INMT: variants seen among roughly 807,000 people sequenced by gnomAD.
The protein encoded by INMT is amine N-methyltransferase.
In INMT, 11 loss-of-function variants were observed where a neutral mutation model predicts 11.5. That is an observed-to-expected ratio of 0.95 (90% CI 0.60 to 1.58). The LOEUF (loss-of-function observed/expected upper bound fraction) is 1.58, where lower values mean the gene tolerates loss of function less well. Among genes scored for constraint, INMT ranks in the 40% most tolerant of loss-of-function variants. The probability of loss-of-function intolerance (pLI) is 0.00; values close to 1 mark genes in which losing one functional copy is unlikely to be tolerated. For synonymous variants in INMT, 155 were observed against 142.9 expected, an observed-to-expected ratio of 1.08 and a Z score of -0.60; for missense variants, 316 against 336.1, an observed-to-expected ratio of 0.94 and a Z score of 0.47.
rs58315408 is a variant in INMT at position 30,754,636 on chromosome 7, T to TATCCATCC, written c.362+733_362+740dup. Among the ~76,000 whole-genome samples, 91 of 144,628 alleles carry TATCCATCC rather than the reference T, an allele frequency of 6.3e-4. No individual in the cohort carries two copies. The highest frequency in any genetic ancestry group is 1.9e-3 in the South Asian group (8 of 4,270). 94.9% of individuals were successfully genotyped at this position (144,628 alleles called of 152,430 possible). ...ATCCACCCATCCATCCATATCCATC[T>TATCCATCC]ATCCATCCATCCATCCATCCATCCA... On this transcript the variant is annotated intron_variant, in intron 2 of 2. Transcript: ENST00000013222. The surrounding 1 kb of genome is among the most constrained non-coding windows in gnomAD (Gnocchi z 4.9).
Position 30,752,300 on chromosome 7 carries a change from C to T in INMT, c.150C>T (p.Gly50=), listed in dbSNP as rs1344809161. ...FNLECLHKTF[G]PGGLQGDTLI... ...TGGAATGTCTCCACAAGACCTTCGGCCCTGGTGAGCAGAGGGTGGCCCTTC... is the reference window on the plus strand; with the variant it reads ...TGGAATGTCTCCACAAGACCTTCGGTCCTGGTGAGCAGAGGGTGGCCCTTC... Residue 50 remains glycine (G), a synonymous_variant, in exon 1 of 3, where the codon GGC becomes GGT. Transcript: ENST00000013222. The T allele has an allele frequency of 3.1e-6, 5 of 1,613,192 alleles. No individual in the cohort carries two copies. Among genetic ancestry groups the T allele is most frequent in the Non-Finnish European group, 4.2e-6 (5 of 1,179,410 alleles).
At chr7:30,753,032 G>A (rs766730863) in intron 1 of INMT, among the ~76,000 whole-genome samples, 3 of 152,232 alleles carry the variant, frequency 2.0e-5, no homozygotes, top group Non-Finnish European at 2.9e-5. Context: ...GGAGCAGGCC[G>A]GTGTGGGAGG....
chr7:30,755,959 T>G lies in INMT; in HGVS notation c.*108T>G. ...GTCTAACAGTCTCTGATTTCAACAC[T>G]AACATTCCATCTTCTGAAATTCTGA... On this transcript the variant is annotated 3_prime_UTR_variant, in exon 3 of 3. Transcript: ENST00000013222. 2 of 1,461,558 alleles carry G rather than the reference T, an allele frequency of 1.4e-6. No individual in the cohort carries two copies. Among genetic ancestry groups the G allele is most frequent in the Non-Finnish European group, 1.8e-6 (2 of 1,113,036 alleles). 90.5% of individuals were successfully genotyped at this position (1,461,558 alleles called of 1,614,324 possible).
chr7:30,754,250 C>T lies in INMT; in HGVS notation c.362+312C>T, dbSNP rs1270150441. Among the ~76,000 whole-genome samples the T allele has an allele frequency of 6.6e-6, 1 of 152,184 alleles. No homozygotes were observed. Among genetic ancestry groups the T allele is most frequent in the African/African-American group, 2.4e-5 (1 of 41,434 alleles). ...CTCATCTATATATCTACCTCTCTATCTTCTATGTATCTAACTATCCGTGCA... is the reference window on the plus strand; with the variant it reads ...CTCATCTATATATCTACCTCTCTATTTTCTATGTATCTAACTATCCGTGCA... On this transcript the variant is annotated intron_variant, in intron 2 of 2. Transcript: ENST00000013222. The surrounding 1 kb of genome is among the most constrained non-coding windows in gnomAD (Gnocchi z 4.9).
chr7:30,755,294 C>T, intron 2 of INMT, 128 bp from the exon 3 acceptor site: 1 of 797,362 alleles, frequency 1.3e-6, no homozygotes, highest in Non-Finnish European at 1.9e-6. Flanking sequence ...GCTGTCAGGT[C>T]ACACAGGGAC....
At chr7:30,752,462 T>C (rs1167793410) in intron 1 of INMT, among the ~76,000 whole-genome samples, 158 bp downstream of exon 1, 1 of 152,064 alleles carries the variant, frequency 6.6e-6, no homozygotes, top group African/African-American at 2.4e-5. Context: ...TGGGCAGCTG[T>C]TATGCTGGAG....
Position 30,754,006 on chromosome 7 carries a change from T to C in INMT, c.362+68T>C. Reference sequence around the variant, plus strand: ...CTTTCTCAGAAGTCTCCCTGGCCTCTTTGTTGTCTCTGACATTTTCAGGAC... The same window carrying C: ...CTTTCTCAGAAGTCTCCCTGGCCTCCTTGTTGTCTCTGACATTTTCAGGAC... On this transcript the variant is annotated intron_variant, in intron 2 of 2. Coordinates refer to ENST00000013222, the MANE Select transcript of INMT (RefSeq NM_006774.5). This position sits in a 1 kb window ranked among gnomAD's most constrained non-coding sequence, Gnocchi z 4.9. 6.6e-7 allele frequency: 1 copy of C among 1,507,112 alleles called. No individual in the cohort carries two copies. The highest frequency in any genetic ancestry group is 9.1e-7 in the Non-Finnish European group (1 of 1,096,594). The allele number at this position is 1,507,112 out of a possible 1,614,324, so 93.4% of individuals were successfully genotyped here. A position where few individuals can be genotyped will look rare whatever the true frequency, so the allele number is the denominator to read the frequency against.
rs1301653603 is a variant in INMT at position 30,755,857 on chromosome 7, G to A, written c.*6G>A. 3.1e-6 allele frequency: 5 copies of A among 1,602,072 alleles called. No homozygotes were observed. The highest frequency in any genetic ancestry group is 3.4e-6 in the Non-Finnish European group (4 of 1,173,708). Reference sequence around the variant, plus strand: ...GCAAGAAGCCTGGGCCCTGAGCCAGGAGGGCCAGCCAGAGGTCTGGTCAGG... The same window carrying A: ...GCAAGAAGCCTGGGCCCTGAGCCAGAAGGGCCAGCCAGAGGTCTGGTCAGG... On this transcript the variant is annotated 3_prime_UTR_variant, in exon 3 of 3. Coordinates refer to ENST00000013222, the MANE Select transcript of INMT (RefSeq NM_006774.5).
chr7:30,752,403 G>A (rs1346084487), intron 1 of INMT, 99 bp downstream of exon 1: 18 of 981,156 alleles, frequency 1.8e-5, no homozygotes, highest in Non-Finnish European at 2.5e-5. Context: ...TCCTCTAGGG[G>A]TTTTTGGGGA....
chr7:30,755,640 T>C lies in INMT; in HGVS notation c.581T>C (p.Val194Ala), dbSNP rs754153539. 1.2e-5 allele frequency: 19 copies of C among 1,614,238 alleles called. No individual in the cohort carries two copies. Among genetic ancestry groups the C allele is most frequent in the Non-Finnish European group, 1.5e-5 (18 of 1,180,044 alleles). Residue 194 changes from valine to alanine, a missense_variant, in exon 3 of 3, where the codon GTG becomes GCG. Transcript: ENST00000013222. ...CTGCTCAAGCCGGGTGGCCACCTGG[T>C]GACCACTGTCACGCTTCGGCTCCCG... ...ASLLKPGGHLVTTVTLRLPSY... is the reference protein window; with the variant it reads ...ASLLKPGGHLATTVTLRLPSY...
At chr7:30,753,696 T>C (rs1786148925) in intron 1 of INMT, 35 bp from the exon 2 acceptor site, 6 of 1,592,774 alleles carry the variant, frequency 3.8e-6, no homozygotes, top group Non-Finnish European at 5.2e-6. Flanking sequence ...TCTCGTTTCT[T>C]TTACCCATCC....
In INMT at chr7:30,752,196, C is replaced by T; in HGVS notation, c.46C>T (p.Leu16=). 1 of 1,614,046 alleles carries T rather than the reference C, an allele frequency of 6.2e-7. No homozygotes were observed. The highest frequency in any genetic ancestry group is 8.5e-7 in the Non-Finnish European group (1 of 1,179,948). The part of the protein sequence containing the change: ...TGGDEYQKHF[L]PRDYLATYYS... ...GGGTGATGAGTACCAGAAGCACTTC[C>T]TGCCCAGGGACTACTTGGCTACTTA... Residue 16 remains leucine, a synonymous_variant, in exon 1 of 3, where the codon CTG becomes TTG. Coordinates refer to ENST00000013222, the MANE Select transcript of INMT (RefSeq NM_006774.5).
chr7:30,754,737 TTGTCTGTACCTG>T lies in INMT; in HGVS notation c.363-681_363-670del, dbSNP rs1438870343. On this transcript the variant is annotated intron_variant, in intron 2 of 2. Transcript: ENST00000013222. This position sits in a 1 kb window ranked among gnomAD's most constrained non-coding sequence, Gnocchi z 4.9. ...CATCCATCTTTCCTTCTTCCCTCTATTGTCTGTACCTGTGTGACTGACTATATAATGTATAAT... is the reference window on the plus strand; with the variant it reads ...CATCCATCTTTCCTTCTTCCCTCTATTGTGACTGACTATATAATGTATAAT... Among the ~76,000 whole-genome samples the T allele has an allele frequency of 8.5e-5, 13 of 152,188 alleles. No homozygotes were observed. Among genetic ancestry groups the T allele is most frequent in the African/African-American group, 2.4e-4 (10 of 41,450 alleles).
chr7:30,755,662 C>T lies in INMT; in HGVS notation c.603C>T (p.Leu201=), dbSNP rs144887833. ...GHLVTTVTLR[L]PSYMVGKREF... ...TGGTGACCACTGTCACGCTTCGGCT[C>T]CCGTCCTACATGGTGGGGAAGCGTG... The change falls in exon 3 of 3, where the codon CTC becomes CTT. Residue 201 remains leucine, a synonymous_variant. Coordinates refer to ENST00000013222, the MANE Select transcript of INMT (RefSeq NM_006774.5). 28 of 1,614,110 alleles carry T rather than the reference C, an allele frequency of 1.7e-5. No individual in the cohort carries two copies. The African/African-American group carries it at 3.5e-4, about 20-fold the overall frequency.
At chr7:30,755,016 G>A (rs1388233470) in intron 2 of INMT, among the ~76,000 whole-genome samples, 5 of 152,072 alleles carry the variant, frequency 3.3e-5, no homozygotes, top group Middle Eastern at 3.4e-3. Context: ...TGTCATTTGC[G>A]ATTTGCTTTT....
rs115948145 is a variant in INMT at position 30,756,078 on chromosome 7, C to A, written c.*227C>A. 257 of 1,360,492 alleles carry A rather than the reference C, an allele frequency of 1.9e-4. No individual in the cohort carries two copies. The African/African-American group carries it at 3.4e-3, about 18-fold the overall frequency. The allele number at this position is 1,360,492 out of a possible 1,614,324, so 84.3% of individuals were successfully genotyped here. A position where few individuals can be genotyped will look rare whatever the true frequency, so the allele number is the denominator to read the frequency against. On this transcript the variant is annotated 3_prime_UTR_variant, in exon 3 of 3. Transcript: ENST00000013222. ...ATTTTCCATTTTCTAATATACTAAG[C>A]CTTACAGCTATCTTAGATGCGATCT...
Position 30,757,453 on chromosome 7 carries a change from G to T in INMT, c.*1602G>T, listed in dbSNP as rs1016274878. On this transcript the variant is annotated 3_prime_UTR_variant, in exon 3 of 3. Transcript: ENST00000013222. ...CACGCCCAGAGAGAGAAAAAGTTAA[G>T]CTGCTGACCCTGAAGGCAAGGGAGA... The T allele has an allele frequency of 3.1e-4, 60 of 194,116 alleles. No individual in the cohort carries two copies. The highest frequency in any genetic ancestry group is 6.1e-4 in the Non-Finnish European group (58 of 94,944). The allele number at this position is 194,116 out of a possible 1,614,324, so 12.0% of individuals were successfully genotyped here. A position where few individuals can be genotyped will look rare whatever the true frequency, so the allele number is the denominator to read the frequency against.
In INMT at chr7:30,757,372, A is replaced by G; in HGVS notation, c.*1521A>G. On this transcript the variant is annotated 3_prime_UTR_variant, in exon 3 of 3. Coordinates refer to ENST00000013222, the MANE Select transcript of INMT (RefSeq NM_006774.5). ...CGCCCAGTAAGAGAGAGAGAGAGCC[A>G]AAGCTGTCCGTTTTGCAGATGGACA... The G allele has an allele frequency of 4.1e-6, 1 of 244,662 alleles. No homozygotes were observed. The allele number at this position is 244,662 out of a possible 1,614,324, so 15.2% of individuals were successfully genotyped here. A position where few individuals can be genotyped will look rare whatever the true frequency, so the allele number is the denominator to read the frequency against.
chr7:30,755,773 TC>T lies in INMT; in HGVS notation c.718del (p.Gln240ArgfsTer37), dbSNP rs755540488. ...TTGACATTGAACAGCTCCTACACAG[TC>T]CCCAGAGCTACTCTGTCACCAATGC... ...GFDIEQLLHS[P>X]QSYSVTNAAN... On this transcript the variant is annotated frameshift_variant, in exon 3 of 3. Coordinates refer to ENST00000013222, the MANE Select transcript of INMT (RefSeq NM_006774.5). LOFTEE classifies it low-confidence loss of function (END_TRUNC). 6.2e-7 allele frequency: 1 copy of T among 1,614,152 alleles called. No homozygotes were observed. The highest frequency in any genetic ancestry group is 1.1e-5 in the South Asian group (1 of 91,072).
Sources: gnomAD v4.1 joint callset for allele counts (sites outside exome capture counted in the v4.1 genomes callset) on GRCh38, gnomAD v4.1.1 for gene constraint, Gnocchi (gnomAD v3.1) non-coding constraint, MANE v1.5 for transcripts, NCBI Gene and HGNC (gene_info 2026-07-23, HGNC 2026-07-21) for gene names.